RBFOX3: variants seen among roughly 807,000 people sequenced by gnomAD.
The protein encoded by RBFOX3 is RNA binding fox-1 homolog 3, also known as RNA binding protein fox-1 homolog 3.
A neutral mutation model predicts 48.7 loss-of-function variants in RBFOX3; 17 were observed. The observed-to-expected ratio is 0.35, with a 90% CI of 0.24 to 0.52. The LOEUF (loss-of-function observed/expected upper bound fraction) is 0.52. Ranked by LOEUF, RBFOX3 falls within the 20% of genes least tolerant of loss-of-function variation. The pLI is 0.94. For missense variants in RBFOX3, 382 were observed against 497.5 expected (o/e 0.77, Z 2.21); for synonymous variants, 212 against 209.5 (o/e 1.01, Z -0.10).
At chr17:79,660,027 A>C in the RBFOX3 span, among the ~76,000 whole-genome samples, 1 of 152,074 alleles carries the variant, frequency 6.6e-6, no homozygotes. Context: ...TCTCTACTAA[A>C]AATATAAAAA....
chr17:79,397,993 C>T (rs966548223), intron 2 of RBFOX3, among the ~76,000 whole-genome samples: 1 of 152,160 alleles, frequency 6.6e-6, no homozygotes, highest in Admixed American at 6.5e-5. Context: ...CCTGCACACC[C>T]CCACCCAGAC....
chr17:79,172,939 T>C (rs1023286327), intron 4 of RBFOX3, among the ~76,000 whole-genome samples: 1 of 152,220 alleles, frequency 6.6e-6, no homozygotes, highest in African/African-American at 2.4e-5. Context: ...ACGGGTGAGG[T>C]GGCTCATGCC....
At chr17:79,509,349 T>TC (rs1438717966) in intron 1 of RBFOX3, among the ~76,000 whole-genome samples, 1 of 151,588 alleles carries the variant, frequency 6.6e-6, no homozygotes, top group Non-Finnish European at 1.5e-5. Flanking sequence ...GCCCTGGTCC[T>TC]CCCCACACCC....
the RBFOX3 span, among the ~76,000 whole-genome samples, chr17:79,618,422 A>C: frequency 1.3e-5 from 2 of 152,130 alleles, no homozygotes; most frequent in Non-Finnish European, 2.9e-5. Context: ...TAAAAATAGG[A>C]AAAATCCATC....
At chr17:79,201,966 C>T (rs959295918) in intron 4 of RBFOX3, among the ~76,000 whole-genome samples, 3 of 152,218 alleles carry the variant, frequency 2.0e-5, no homozygotes, top group African/African-American at 7.2e-5. Flanking sequence ...ACACCACCTT[C>T]TCTCTACAGT....
chr17:79,179,903 G>A (rs866321322), intron 4 of RBFOX3, among the ~76,000 whole-genome samples: 11 of 152,320 alleles, frequency 7.2e-5, no homozygotes, highest in South Asian at 2.1e-4. Flanking sequence ...GGGGGACCAC[G>A]GCACGGGGCT....
Position 79,252,232 on chromosome 17 carries a change from AACCCGC to A in RBFOX3, c.-73-16433_-73-16428del, listed in dbSNP as rs1348079274. On this transcript the variant is annotated intron_variant, in intron 3 of 14. Coordinates refer to ENST00000693108, the MANE Select transcript of RBFOX3 (RefSeq NM_001350451.2). The surrounding 1 kb of genome is among the most constrained non-coding windows in gnomAD (Gnocchi z 4.0). The stretch of plus-strand genomic sequence containing the variant: ...CAGGCAACTTCAGAGGTCTGGCTTC[AACCCGC>A]ACCCTGATGCCAGCAATGCCCACTC... Among the ~76,000 whole-genome samples, 2 of 152,116 alleles carry A rather than the reference AACCCGC, an allele frequency of 1.3e-5. No homozygotes were observed. Among genetic ancestry groups the A allele is most frequent in the Non-Finnish European group, 2.9e-5 (2 of 68,018 alleles).
rs1461160287 is a variant in RBFOX3 at position 79,443,548 on chromosome 17, A to G, written c.-175+38906T>C. Among the ~76,000 whole-genome samples, 2 of 152,028 alleles carry G rather than the reference A, an allele frequency of 1.3e-5. No individual in the cohort carries two copies. The highest frequency in any genetic ancestry group is 3.9e-4 in the East Asian group (2 of 5,150). ...TAGGCACCTGACACCACTCCCGGCT[A>G]ATTTTTGTATTTTTAGTAGAGATGG... is the stretch of plus-strand genomic sequence containing the variant. On this transcript the variant is annotated intron_variant, in intron 2 of 14. Coordinates refer to ENST00000693108, the MANE Select transcript of RBFOX3 (RefSeq NM_001350451.2). The surrounding 1 kb of genome is among the most constrained non-coding windows in gnomAD (Gnocchi z 4.4).
At chr17:79,497,340 A>C (rs1250219731) in intron 1 of RBFOX3, among the ~76,000 whole-genome samples, 2 of 152,284 alleles carry the variant, frequency 1.3e-5, no homozygotes, top group South Asian at 2.1e-4. Flanking sequence ...CTGGACCGAA[A>C]ACAGATTTGA....
At chr17:79,587,082 C>T (rs1216115975) in intron 1 of RBFOX3, among the ~76,000 whole-genome samples, 1 of 152,184 alleles carries the variant, frequency 6.6e-6, no homozygotes, top group Non-Finnish European at 1.5e-5. Flanking sequence ...TGGCCGGTCC[C>T]AAGAAGTCTG....
intron 3 of RBFOX3, among the ~76,000 whole-genome samples, chr17:79,303,115 C>T (rs77661418): frequency 0.048 from 7,325 of 152,114 alleles, 310 homozygotes; most frequent in East Asian, 0.22. Context: ...AGGCTGAGGT[C>T]GGAGGATCGC....
chr17:79,475,175 G>C (rs2077554369), intron 2 of RBFOX3, among the ~76,000 whole-genome samples: 1 of 152,152 alleles, frequency 6.6e-6, no homozygotes, highest in Non-Finnish European at 1.5e-5. Context: ...GACAGAGAAT[G>C]ATCTCAGCTC....
At position 79,199,578 on chromosome 17, in the gene RBFOX3, T is replaced by C. The variant is rs922012672; in HGVS notation, c.-34+36188A>G. On this transcript the variant is annotated intron_variant, in intron 4 of 14. Coordinates refer to ENST00000693108, the MANE Select transcript of RBFOX3 (RefSeq NM_001350451.2). The surrounding 1 kb of genome is among the most constrained non-coding windows in gnomAD (Gnocchi z 5.1). ...GAACAGGTGACCTAGAACACACTGG[T>C]TTGGTCCCAGTTCAAGAAGTAATTA... is the stretch of plus-strand genomic sequence containing the variant. Among the ~76,000 whole-genome samples the C allele has an allele frequency of 6.6e-6, 1 of 152,130 alleles. No individual in the cohort carries two copies.
intron 5 of RBFOX3, among the ~76,000 whole-genome samples, chr17:79,114,369 C>T (rs561325672): frequency 3.9e-5 from 6 of 152,244 alleles, no homozygotes; most frequent in South Asian, 2.1e-4. Flanking sequence ...CTGATGGTCT[C>T]GGGGCAGATT....
In RBFOX3 at chr17:79,400,361, G is replaced by A. The variant is rs907115333; in HGVS notation, c.-175+82093C>T. ...CTTGTAGCCGAGTCTCTCCAACCCTGCCTCTGCCGTCACGGGGCCTTTTCC... is the reference window on the plus strand; with the variant it reads ...CTTGTAGCCGAGTCTCTCCAACCCTACCTCTGCCGTCACGGGGCCTTTTCC... On this transcript the variant is annotated intron_variant, in intron 2 of 14. Transcript: ENST00000693108. Among the ~76,000 whole-genome samples the A allele has an allele frequency of 2.6e-5, 4 of 152,322 alleles. No homozygotes were observed. The South Asian group carries it at 8.3e-4, about 32-fold the overall frequency.
At chr17:79,368,507 C>G (rs1002068) in intron 2 of RBFOX3, among the ~76,000 whole-genome samples, 18,727 of 152,284 alleles carry the variant, frequency 0.12, 1,558 homozygotes, top group East Asian at 0.27. Flanking sequence ...TCGTGGGTTC[C>G]ACCGGTTCCC....
chr17:79,593,418 G>A (rs1176259339), intron 1 of RBFOX3, among the ~76,000 whole-genome samples: 3 of 151,980 alleles, frequency 2.0e-5, no homozygotes, highest in Non-Finnish European at 2.9e-5. Context: ...CTTTTTTAAC[G>A]CTGTTAGGCC....
At chr17:79,510,694 C>T (rs1484005238) in intron 1 of RBFOX3, among the ~76,000 whole-genome samples, 3 of 152,186 alleles carry the variant, frequency 2.0e-5, no homozygotes, top group African/African-American at 7.2e-5. Flanking sequence ...CAGGGCCCAG[C>T]GCCCCTACGA....
chr17:79,177,694 C>G (rs2050901635), intron 4 of RBFOX3, among the ~76,000 whole-genome samples: 1 of 152,206 alleles, frequency 6.6e-6, no homozygotes. Flanking sequence ...GACCCGCTTC[C>G]TAGACCCTCC....
Sources: gnomAD v4.1 joint callset for allele counts (sites outside exome capture counted in the v4.1 genomes callset) on GRCh38, gnomAD v4.1.1 for gene constraint, Gnocchi (gnomAD v3.1) non-coding constraint, MANE v1.5 for transcripts, NCBI Gene and HGNC (gene_info 2026-07-23, HGNC 2026-07-21) for gene names.